CSMD1: variants seen among roughly 807,000 people sequenced by gnomAD.
CSMD1 encodes the protein CUB and sushi domain-containing protein 1.
CSMD1 carries 213 observed loss-of-function variants against 417.5 expected under a neutral mutation model. The ratio of observed to expected loss-of-function variants is 0.51; its 90% CI spans 0.46 to 0.57. CSMD1 has a LOEUF of 0.57. CSMD1 is among the 20% of genes least tolerant of loss of function. The probability of loss-of-function intolerance (pLI) is 0.00; values close to 1 mark genes in which losing one functional copy is unlikely to be tolerated. For missense variants in CSMD1, 6,923 were observed against 4,529.7 expected (o/e 1.53, Z -15.17); for synonymous variants, 2,862 against 1,736.8 (o/e 1.65, Z -16.11).
chr8:3,970,230 C>A (rs1012978638), intron 5 of CSMD1, among the ~76,000 whole-genome samples: 14 of 152,168 alleles, frequency 9.2e-5, no homozygotes, highest in Admixed American at 3.3e-4. Flanking sequence ...CCAGAAGCAC[C>A]TCCCAATTTA....
intron 3 of CSMD1, among the ~76,000 whole-genome samples, chr8:4,297,855 G>T (rs189640597): frequency 2.0e-5 from 3 of 152,236 alleles, no homozygotes; most frequent in Admixed American, 2.0e-4. Flanking sequence ...AACATTGCTG[G>T]TGGTCCTGCA....
intron 2 of CSMD1, among the ~76,000 whole-genome samples, chr8:4,456,976 G>T (rs66709639): frequency 0.39 from 53,194 of 136,426 alleles, 10,010 homozygotes; most frequent in Middle Eastern, 0.49. Context: ...GATGAGTGTG[G>T]TTTTTTTTTA....
chr8:4,099,499 T>C (rs57423877), intron 3 of CSMD1, among the ~76,000 whole-genome samples: 16 of 151,934 alleles, frequency 1.1e-4, no homozygotes, highest in Non-Finnish European at 7.4e-5. Flanking sequence ...CAGCCTTCAA[T>C]GCTGTTCACT....
intron 3 of CSMD1, among the ~76,000 whole-genome samples, chr8:4,098,179 G>T (rs780700268): frequency 6.6e-6 from 1 of 152,044 alleles, no homozygotes. Context: ...TGCAGCTTTA[G>T]AATAAAGCTA....
chr8:4,250,360 T>C (rs1431178823), intron 3 of CSMD1, among the ~76,000 whole-genome samples: 3 of 152,152 alleles, frequency 2.0e-5, no homozygotes, highest in Admixed American at 6.5e-5. Context: ...TGTCCCCTAA[T>C]GTGACTCTGT....
intron 1 of CSMD1, among the ~76,000 whole-genome samples, chr8:4,875,249 G>C (rs1001622198): frequency 6.6e-6 from 1 of 151,920 alleles, no homozygotes; most frequent in African/African-American, 2.4e-5. Flanking sequence ...ATATGAACAA[G>C]CGCTATACCC....
chr8:3,113,280 T>G (rs956598478), intron 42 of CSMD1: 2 of 152,062 alleles, frequency 1.3e-5, no homozygotes, highest in Admixed American at 6.6e-5. Flanking sequence ...CATCAGCAAC[T>G]GAAAGGGATA....
chr8:4,257,227 A>G (rs1001828049), intron 3 of CSMD1, among the ~76,000 whole-genome samples: 3 of 152,190 alleles, frequency 2.0e-5, no homozygotes, highest in East Asian at 1.9e-4. Context: ...AAAGAGACTA[A>G]TACTATTCTG....
intron 1 of CSMD1, among the ~76,000 whole-genome samples, chr8:4,820,488 A>G (rs1281871678): frequency 2.6e-5 from 4 of 152,190 alleles, no homozygotes; most frequent in African/African-American, 7.2e-5. Flanking sequence ...AGCCTACCAA[A>G]GAGCCATAAG....
At chr8:3,915,409 A>G (rs1358461955) in intron 5 of CSMD1, among the ~76,000 whole-genome samples, 7 of 147,684 alleles carry the variant, frequency 4.7e-5, no homozygotes, top group African/African-American at 1.8e-4. Context: ...CTGTCTCAAA[A>G]AAAAAAAAAA....
chr8:4,630,472 A>G (rs1802444972), intron 2 of CSMD1, among the ~76,000 whole-genome samples: 1 of 152,102 alleles, frequency 6.6e-6, no homozygotes, highest in Non-Finnish European at 1.5e-5. Flanking sequence ...ACAAAACAAA[A>G]ACGAAAAACA....
intron 1 of CSMD1, among the ~76,000 whole-genome samples, chr8:4,879,078 CTAAG>C (rs1482642081): frequency 4.0e-5 from 6 of 151,872 alleles, no homozygotes; most frequent in South Asian, 2.1e-4. Context: ...ATTGTAGACA[CTAAG>C]TAAGCTTTGC....
chr8:4,759,106 T>C (rs1296186160), intron 1 of CSMD1, among the ~76,000 whole-genome samples: 1 of 152,104 alleles, frequency 6.6e-6, no homozygotes, highest in Non-Finnish European at 1.5e-5. Context: ...GTGAGGGAAA[T>C]GCATTTGGGC....
intron 42 of CSMD1, among the ~76,000 whole-genome samples, chr8:3,111,601 G>A (rs1350441171): frequency 1.3e-5 from 2 of 152,110 alleles, no homozygotes; most frequent in African/African-American, 4.8e-5. Flanking sequence ...GGAGACTGAG[G>A]TGGGTGGATC....
intron 1 of CSMD1, among the ~76,000 whole-genome samples, chr8:4,911,283 A>G (rs549002734): frequency 6.6e-6 from 1 of 152,336 alleles, no homozygotes; most frequent in East Asian, 1.9e-4. Flanking sequence ...GCCTATACAT[A>G]CTGGATAAAG....
At chr8:4,003,459 CACAA>C (rs746943845) in intron 4 of CSMD1, among the ~76,000 whole-genome samples, 1 of 151,442 alleles carries the variant, frequency 6.6e-6, no homozygotes, top group Non-Finnish European at 1.5e-5. Flanking sequence ...AATAACAAGA[CACAA>C]ACAGATACAT....
intron 6 of CSMD1, among the ~76,000 whole-genome samples, chr8:3,719,529 G>C (rs147103324): frequency 1.3e-5 from 2 of 152,214 alleles, no homozygotes; most frequent in South Asian, 2.1e-4. Flanking sequence ...GAAGACTTTG[G>C]GAAAATTAAC....
At chr8:3,407,602 G>T (rs1014860936) in intron 14 of CSMD1, among the ~76,000 whole-genome samples, 7 of 152,086 alleles carry the variant, frequency 4.6e-5, no homozygotes, top group Non-Finnish European at 1.0e-4. Flanking sequence ...ATGATGGATG[G>T]ATGAATGGAT....
At position 3,493,401 on chromosome 8, in the gene CSMD1, T is replaced by C. The variant is rs546967465; in HGVS notation, c.1448+222A>G. 3.3e-5 allele frequency among the ~76,000 whole-genome samples: 5 copies of C among 152,230 alleles called. No homozygotes were observed. In the South Asian group the frequency reaches 8.3e-4, roughly 25 times the overall value. ...TTTTTGCCATAAACATATATGTTTT[T>C]AATAATTGAAGAAAAACAGTCGAAA... On this transcript the variant is annotated intron_variant, in intron 11 of 69. Coordinates refer to ENST00000635120, the MANE Select transcript of CSMD1 (RefSeq NM_033225.6).
Sources: allele counts gnomAD v4.1 joint callset (sites outside exome capture counted in the v4.1 genomes callset), GRCh38; gene constraint gnomAD v4.1.1; transcripts MANE v1.5; gene names NCBI Gene and HGNC (gene_info 2026-07-23, HGNC 2026-07-21).